RC3H1: variants seen among roughly 807,000 people sequenced by gnomAD.
RC3H1 encodes ring finger and CCCH-type domains 1, also known as roquin-1.
A neutral mutation model predicts 138.2 loss-of-function variants in RC3H1; 50 were observed. The observed-to-expected ratio is 0.36, with a 90% CI of 0.29 to 0.46. RC3H1 has a LOEUF of 0.46. Among genes scored for constraint, RC3H1 ranks in the 20% least tolerant of loss-of-function variants. RC3H1 has a pLI of 1.00. For missense variants in RC3H1, 1,031 were observed against 1,388.1 expected (o/e 0.74, Z 4.09); for synonymous variants, 462 against 489.1 (o/e 0.94, Z 0.73).
chr1:174,012,579 C>T (rs141673681), intron 1 of RC3H1, among the ~76,000 whole-genome samples: 4,982 of 151,776 alleles, frequency 0.033, 106 homozygotes, highest in Middle Eastern at 0.095. Flanking sequence ...GTCAGGAGAT[C>T]GAGACCATCC....
At chr1:173,979,505 G>A (rs540295780) in intron 6 of RC3H1, among the ~76,000 whole-genome samples, 2 of 152,192 alleles carry the variant, frequency 1.3e-5, no homozygotes, top group East Asian at 3.9e-4. Context: ...AAATTTGGGC[G>A]TGGTACAGGG....
At position 173,969,915 on chromosome 1, in the gene RC3H1, ATAATTT is replaced by A. The variant is rs1410086992; in HGVS notation, c.1334+584_1334+589del. ...TAAGTTAAAATTGATTAAAATTATT[ATAATTT>A]TAATTTTTTTTGTAGTGAAAATGAC... On this transcript the variant is annotated intron_variant, in intron 9 of 19. Coordinates refer to ENST00000367696, the MANE Select transcript of RC3H1 (RefSeq NM_172071.4). Among the ~76,000 whole-genome samples the A allele has an allele frequency of 2.0e-5, 3 of 151,992 alleles. No homozygotes were observed. The East Asian group carries it at 5.8e-4, about 29-fold the overall frequency.
intron 1 of RC3H1, among the ~76,000 whole-genome samples, chr1:174,000,008 A>G (rs1378212890): frequency 6.6e-6 from 1 of 152,226 alleles, no homozygotes; most frequent in Non-Finnish European, 1.5e-5. Context: ...AATTATGGCA[A>G]GGGAGCTCTT....
In RC3H1 at chr1:173,952,144, G is replaced by T; in HGVS notation, c.2371-6C>A. 2 of 1,346,134 alleles carry T rather than the reference G, an allele frequency of 1.5e-6. No homozygotes were observed. The highest frequency in any genetic ancestry group is 2.0e-5 in the South Asian group (1 of 49,946). 83.4% of individuals were successfully genotyped at this position (1,346,134 alleles called of 1,614,324 possible). On this transcript the variant is annotated splice_polypyrimidine_tract_variant and splice_region_variant and intron_variant, in intron 13 of 19. Transcript: ENST00000367696. ...TTCAAGTCTTCATCCAAAAACTACA[G>T]ATGGAGAAAGAAAAAAAACAAAAAA...
chr1:173,977,347 G>GAT (rs1241497497), intron 7 of RC3H1, among the ~76,000 whole-genome samples: 1 of 152,248 alleles, frequency 6.6e-6, no homozygotes, highest in East Asian at 1.9e-4. Flanking sequence ...ATAAGCAGGG[G>GAT]ATATAGGGGT....
intron 19 of RC3H1, among the ~76,000 whole-genome samples, chr1:173,939,333 T>G (rs1002090760): frequency 6.6e-6 from 1 of 150,906 alleles, no homozygotes; most frequent in African/African-American, 2.4e-5. Flanking sequence ...AGCTCAGGAG[T>G]TGGAGATCAG....
At chr1:173,978,058 A>G (rs1417228090) in intron 7 of RC3H1, among the ~76,000 whole-genome samples, 1 of 152,190 alleles carries the variant, frequency 6.6e-6, no homozygotes, top group African/African-American at 2.4e-5. Flanking sequence ...AAAAAGCCTA[A>G]GTAAAGATAT....
Position 173,938,501 on chromosome 1 carries a change from A to G in RC3H1, c.*220T>C, listed in dbSNP as rs1404505059. ...AATTTAATCTGAATTGCTTGCAGAT[A>G]CTGCTAATTTTCTTTTTCTTTAAAT... On this transcript the variant is annotated 3_prime_UTR_variant, in exon 20 of 20. Transcript: ENST00000367696. The G allele has an allele frequency of 5.6e-6, 2 of 354,408 alleles. No homozygotes were observed. Among genetic ancestry groups the G allele is most frequent in the South Asian group, 2.6e-4 (2 of 7,548 alleles). 22.0% of individuals were successfully genotyped at this position (354,408 alleles called of 1,614,324 possible). A position where few individuals can be genotyped will look rare whatever the true frequency, so the allele number is the denominator to read the frequency against.
At chr1:173,980,381 T>C (rs191598204) in intron 6 of RC3H1, among the ~76,000 whole-genome samples, 1 of 151,984 alleles carries the variant, frequency 6.6e-6, no homozygotes, top group East Asian at 1.9e-4. Flanking sequence ...TGGAAAAACA[T>C]ATTAACTTCC....
intron 7 of RC3H1, among the ~76,000 whole-genome samples, chr1:173,976,779 T>G (rs1359463800): frequency 1.3e-5 from 2 of 152,218 alleles, no homozygotes; most frequent in Non-Finnish European, 2.9e-5. Flanking sequence ...TAAGCAATTT[T>G]GGGAGCAAAT....
intron 9 of RC3H1, among the ~76,000 whole-genome samples, chr1:173,968,708 A>C (rs1180996699): frequency 6.6e-6 from 1 of 152,152 alleles, no homozygotes; most frequent in East Asian, 1.9e-4. Context: ...TTACTAGCAG[A>C]AAATTTTGCT....
chr1:174,005,352 G>GT (rs1252097685), intron 1 of RC3H1, among the ~76,000 whole-genome samples: 1 of 152,182 alleles, frequency 6.6e-6, no homozygotes, highest in Non-Finnish European at 1.5e-5. Context: ...TCACAGAATT[G>GT]TAAGCGAATA....
At chr1:174,002,469 T>G (rs1661581103) in intron 1 of RC3H1, among the ~76,000 whole-genome samples, 1 of 152,212 alleles carries the variant, frequency 6.6e-6, no homozygotes, top group East Asian at 1.9e-4. Context: ...ACTAATATTC[T>G]GTTTCTTCAA....
chr1:173,949,589 A>C (rs1659295200), intron 14 of RC3H1, among the ~76,000 whole-genome samples: 1 of 152,054 alleles, frequency 6.6e-6, no homozygotes, highest in Non-Finnish European at 1.5e-5. Flanking sequence ...GGCTGGTCTC[A>C]AACTCCTGAC....
At chr1:173,954,300 C>T (rs1659542476) in intron 13 of RC3H1, among the ~76,000 whole-genome samples, 1 of 152,068 alleles carries the variant, frequency 6.6e-6, no homozygotes, top group Admixed American at 6.6e-5. Flanking sequence ...GAGGACATCA[C>T]ATTAAGTGAA....
chr1:174,008,389 G>A (rs1210633394), intron 1 of RC3H1, among the ~76,000 whole-genome samples: 1 of 152,048 alleles, frequency 6.6e-6, no homozygotes, highest in Non-Finnish European at 1.5e-5. Flanking sequence ...TTGAAAAACA[G>A]TGCTTAGAAA....
chr1:173,973,332 T>TGGA (rs1490106072), intron 7 of RC3H1, among the ~76,000 whole-genome samples: 1 of 152,132 alleles, frequency 6.6e-6, no homozygotes, highest in Non-Finnish European at 1.5e-5. Flanking sequence ...GATCAAGAGA[T>TGGA]GGAGACCATC....
At chr1:173,958,785 GT>G (rs533719630) in intron 13 of RC3H1, among the ~76,000 whole-genome samples, 6 of 145,616 alleles carry the variant, frequency 4.1e-5, no homozygotes, top group Non-Finnish European at 9.1e-5. Context: ...ACATTAACCA[GT>G]TTTTTTTTTG....
At chr1:173,947,799 G>A (rs879528049) in intron 14 of RC3H1, among the ~76,000 whole-genome samples, 2 of 152,098 alleles carry the variant, frequency 1.3e-5, no homozygotes, top group Admixed American at 1.3e-4. Context: ...CTGGAACGTA[G>A]GGGCACTCTC....
Sources: gnomAD v4.1 joint callset for allele counts (sites outside exome capture counted in the v4.1 genomes callset) on GRCh38, gnomAD v4.1.1 for gene constraint, MANE v1.5 for transcripts, NCBI Gene and HGNC (gene_info 2026-07-23, HGNC 2026-07-21) for gene names.